TRAP1: variants seen among roughly 807,000 people sequenced by gnomAD.
TRAP1 encodes the protein heat shock protein 75 kDa, mitochondrial.
Under a neutral mutation model 89.1 loss-of-function variants are expected in TRAP1, and 102 were observed. The observed-to-expected ratio is 1.15, with a 90% CI of 0.98 to 1.35. The LOEUF is 1.35. Ranked by LOEUF, TRAP1 falls within the 40% of genes most tolerant of loss-of-function variation. The pLI, the probability that TRAP1 is intolerant of heterozygous loss-of-function variation, is 0.00. For missense variants in TRAP1, 1,256 were observed against 945.3 expected (o/e 1.33, Z -4.31); for synonymous variants, 508 against 388.0 (o/e 1.31, Z -3.64).
intron 1 of TRAP1, among the ~76,000 whole-genome samples, chr16:3,697,389 G>T (rs956717909): frequency 6.6e-6 from 1 of 152,046 alleles, no homozygotes; most frequent in African/African-American, 2.4e-5. Flanking sequence ...TAGTCGCCAG[G>T]AGCGGTGGCT....
intron 1 of TRAP1, among the ~76,000 whole-genome samples, chr16:3,706,645 G>A (rs527341473): frequency 2.0e-5 from 3 of 151,318 alleles, no homozygotes; most frequent in Non-Finnish European, 1.5e-5. Flanking sequence ...ATTTTTTTTC[G>A]AGATGGAGTC....
In TRAP1 at chr16:3,679,778, C is replaced by T. The variant is rs779161116; in HGVS notation, c.484G>A (p.Gly162Arg). 42 of 1,613,974 alleles carry T rather than the reference C, an allele frequency of 2.6e-5. No individual in the cohort carries two copies. Among genetic ancestry groups the T allele is most frequent in the Middle Eastern group, 1.6e-4 (1 of 6,084 alleles). ...GACACCAGCTCTTCCTGTGTCATCCCGATACCAGTATCCTGAGGAGAGAGA... is the reference window on the plus strand; with the variant it reads ...GACACCAGCTCTTCCTGTGTCATCCTGATACCAGTATCCTGAGGAGAGAGA... ...GTITIQDTGI[G>R]MTQEELVSNL... Residue 162 changes from glycine to arginine, a missense_variant, in exon 5 of 18, where the codon GGG becomes AGG. Coordinates refer to ENST00000246957, the MANE Select transcript of TRAP1 (RefSeq NM_016292.3).
At chr16:3,686,668 T>C (rs903756444) in intron 3 of TRAP1, among the ~76,000 whole-genome samples, 1 of 152,134 alleles carries the variant, frequency 6.6e-6, no homozygotes, top group Non-Finnish European at 1.5e-5. Context: ...CTGTTAATTA[T>C]AACTTTAAGA....
chr16:3,695,284 G>A (rs756035400), intron 1 of TRAP1, among the ~76,000 whole-genome samples: 2 of 152,134 alleles, frequency 1.3e-5, no homozygotes, highest in Admixed American at 1.3e-4. Flanking sequence ...GAAGGGGAGA[G>A]GGCTGGCAGA....
chr16:3,689,401 C>T (rs187837257), intron 2 of TRAP1, among the ~76,000 whole-genome samples: 1 of 152,052 alleles, frequency 6.6e-6, no homozygotes. Context: ...CCTGCCACCA[C>T]GCCCGGCTAA....
chr16:3,676,143 G>A lies in TRAP1; in HGVS notation c.707C>T (p.Ser236Phe), dbSNP rs2050990165. ...SLGYQWLSDG[S>F]GVFEIAEASG... Reference sequence around the variant, plus strand: ...AGCTTCGGCGATTTCAAACACTCCAGAACTAAGGCAGGCAAAGAAAGGAAA... The same window carrying A: ...AGCTTCGGCGATTTCAAACACTCCAAAACTAAGGCAGGCAAAGAAAGGAAA... The change falls in exon 7 of 18, where the codon TCT becomes TTT. Residue 236 changes from serine to phenylalanine, a missense_variant and splice_region_variant. Transcript: ENST00000246957. The A allele has an allele frequency of 6.2e-7, 1 of 1,613,376 alleles. No homozygotes were observed.
At chr16:3,708,211 A>T (rs1012048031) in intron 1 of TRAP1, among the ~76,000 whole-genome samples, 1 of 151,578 alleles carries the variant, frequency 6.6e-6, no homozygotes, top group African/African-American at 2.4e-5. Flanking sequence ...AATAAAATTT[A>T]GTGCCGTGGC....
intron 14 of TRAP1, 25 bp downstream of exon 14, chr16:3,663,399 C>G: frequency 6.2e-7 from 1 of 1,613,648 alleles, no homozygotes; most frequent in Non-Finnish European, 8.5e-7. Context: ...ACCAGCCCCA[C>G]GCCTAGAGAG....
At position 3,658,243 on chromosome 16, in the gene TRAP1, A is replaced by G; in HGVS notation, c.2014-13T>C. 6.2e-7 allele frequency: 1 copy of G among 1,607,568 alleles called. No individual in the cohort carries two copies. The highest frequency in any genetic ancestry group is 8.5e-7 in the Non-Finnish European group (1 of 1,175,174). ...CGTTCTCGTATATCTGAAAGGCAAG[A>G]GGAGAAACCCATTATGAGGGGCATG... On this transcript the variant is annotated splice_polypyrimidine_tract_variant and intron_variant, in intron 17 of 17. Transcript: ENST00000246957.
chr16:3,697,456 A>C (rs890023518), intron 1 of TRAP1, among the ~76,000 whole-genome samples: 2 of 151,932 alleles, frequency 1.3e-5, no homozygotes, highest in Non-Finnish European at 2.9e-5. Context: ...CGAGGTCAGG[A>C]GATTGAGACC....
At chr16:3,694,168 C>T (rs545470710) in intron 1 of TRAP1, among the ~76,000 whole-genome samples, 1 of 152,164 alleles carries the variant, frequency 6.6e-6, no homozygotes, top group Admixed American at 6.5e-5. Flanking sequence ...ACATGGCAAG[C>T]TCTTCTCTAT....
intron 7 of TRAP1, 22 bp downstream of exon 7, chr16:3,676,014 C>A (rs2050987668): frequency 1.2e-6 from 2 of 1,600,530 alleles, no homozygotes; most frequent in East Asian, 4.5e-5. Flanking sequence ...CAGAGTGAGC[C>A]TGGGCCCGGG....
At chr16:3,669,453 A>G (rs2151248720) in intron 11 of TRAP1, among the ~76,000 whole-genome samples, 1 of 152,314 alleles carries the variant, frequency 6.6e-6, no homozygotes, top group African/African-American at 2.4e-5. Flanking sequence ...TTAGTCAGCA[A>G]GGAAAATACC....
chr16:3,715,375 T>G (rs1030757732), intron 1 of TRAP1, among the ~76,000 whole-genome samples: 8 of 151,876 alleles, frequency 5.3e-5, no homozygotes, highest in Non-Finnish European at 7.4e-5. Context: ...GAGGCGGAGC[T>G]TGCAGTGAGC....
intron 1 of TRAP1, among the ~76,000 whole-genome samples, chr16:3,717,219 G>T (rs775262622): frequency 9.3e-4 from 141 of 152,194 alleles, no homozygotes; most frequent in Non-Finnish European, 5.0e-4. Context: ...GGTGGCGAGG[G>T]GAGTCCAGCC....
At chr16:3,702,213 CGGATGA>C (rs1254550689) in intron 1 of TRAP1, among the ~76,000 whole-genome samples, 1 of 150,906 alleles carries the variant, frequency 6.6e-6, no homozygotes, top group Non-Finnish European at 1.5e-5. Context: ...ATGGACACAT[CGGATGA>C]GGAATTCAGT....
At chr16:3,692,667 C>T (rs1596735628) in intron 1 of TRAP1, among the ~76,000 whole-genome samples, 4 of 141,240 alleles carry the variant, frequency 2.8e-5, no homozygotes, top group African/African-American at 8.0e-5. Flanking sequence ...GGTGCAATCT[C>T]GGCTCATTGC....
At chr16:3,709,903 G>C (rs2051504605) in intron 1 of TRAP1, among the ~76,000 whole-genome samples, 1 of 152,186 alleles carries the variant, frequency 6.6e-6, no homozygotes, top group African/African-American at 2.4e-5. Context: ...ACCCGCCTCA[G>C]CCTGCCAAAG....
intron 1 of TRAP1, among the ~76,000 whole-genome samples, chr16:3,697,595 C>T (rs1044565932): frequency 4.1e-5 from 6 of 146,186 alleles, no homozygotes; most frequent in African/African-American, 1.3e-4. Context: ...ACCCGGGAGA[C>T]GGAGTTTGCA....
Sources: allele counts gnomAD v4.1 joint callset (sites outside exome capture counted in the v4.1 genomes callset), GRCh38; gene constraint gnomAD v4.1.1; transcripts MANE v1.5; gene names NCBI Gene and HGNC (gene_info 2026-07-23, HGNC 2026-07-21).